Variants in CNBD1 observed in about 807,000 individuals in gnomAD.
The protein encoded by CNBD1 is cyclic nucleotide binding domain containing 1.
A neutral mutation model predicts 54.4 loss-of-function variants in CNBD1; 71 were observed. The observed-to-expected ratio is 1.30, with a 90% CI of 1.08 to 1.59. The LOEUF is 1.59. CNBD1 is among the 40% of genes most tolerant of loss of function. The probability of loss-of-function intolerance (pLI) is 0.00; values close to 1 mark genes in which losing one functional copy is unlikely to be tolerated. For synonymous variants in CNBD1, 182 were observed against 170.7 expected (o/e 1.07, Z -0.51); for missense variants, 659 against 518.0 (o/e 1.27, Z -2.64).
chr8:87,415,955 T>A (rs1807827153), intron 2 of CNBD1, among the ~76,000 whole-genome samples: 2 of 151,726 alleles, frequency 1.3e-5, no homozygotes, highest in South Asian at 4.1e-4. Flanking sequence ...GGAAATAAAG[T>A]TTTTAAAAAA....
intron 10 of CNBD1, among the ~76,000 whole-genome samples, chr8:87,372,045 A>G (rs921482227): frequency 2.0e-5 from 3 of 151,978 alleles, no homozygotes; most frequent in African/African-American, 7.2e-5. Flanking sequence ...AGGAAGTCAA[A>G]TTGTCCCTGT....
chr8:87,423,287 C>T (rs571071432), intron 2 of CNBD1, among the ~76,000 whole-genome samples: 150 of 149,584 alleles, frequency 1.0e-3, no homozygotes, highest in Admixed American at 5.0e-3. Flanking sequence ...TGCCTAATTG[C>T]CCTGGCCAGA....
chr8:87,277,651 C>T (rs747822465), intron 6 of CNBD1, among the ~76,000 whole-genome samples: 5 of 151,570 alleles, frequency 3.3e-5, no homozygotes, highest in Non-Finnish European at 5.9e-5. Context: ...CAGTTGAAAC[C>T]CAGAACCAAA....
chr8:86,991,341 A>G (rs1308179262), intron 4 of CNBD1, among the ~76,000 whole-genome samples: 1 of 151,758 alleles, frequency 6.6e-6, no homozygotes, highest in East Asian at 1.9e-4. Flanking sequence ...TATTTTTGTC[A>G]TTTATGATTG....
intron 1 of CNBD1, among the ~76,000 whole-genome samples, chr8:86,875,959 G>T (rs915971241): frequency 6.6e-6 from 1 of 151,898 alleles, no homozygotes; most frequent in Non-Finnish European, 1.5e-5. Flanking sequence ...CTATACCCTC[G>T]TATATATTTT....
intron 5 of CNBD1, among the ~76,000 whole-genome samples, chr8:87,206,417 A>G (rs1296170906): frequency 6.6e-6 from 1 of 152,166 alleles, no homozygotes. Context: ...TGTCGGGTTT[A>G]AACATCAGAA....
rs150777182 is a variant in CNBD1, at chr8:87,013,219, G to A, written c.431+73465G>A. On this transcript the variant is annotated intron_variant, in intron 4 of 10. Transcript: ENST00000518476. ...GACCTCCCTTAGGTTAAACGTCCTT[G>A]ATTTATTCTAAGCTGGTTTTCCCTA... 4.1e-4 allele frequency among the ~76,000 whole-genome samples: 63 copies of A among 152,280 alleles called. No homozygotes were observed. In the East Asian group the frequency reaches 0.011, roughly 27 times the overall value.
intron 4 of CNBD1, among the ~76,000 whole-genome samples, chr8:87,127,740 A>G (rs1812022395): frequency 6.6e-6 from 1 of 152,198 alleles, no homozygotes; most frequent in Non-Finnish European, 1.5e-5. Flanking sequence ...TTAATGGAAA[A>G]GCATACAATC....
intron 4 of CNBD1, among the ~76,000 whole-genome samples, chr8:87,096,804 CTTTTTTT>C (rs200048715): frequency 1.4e-5 from 2 of 145,774 alleles, no homozygotes; most frequent in Non-Finnish European, 3.0e-5. Flanking sequence ...TTTTTCTTCC[CTTTTTTT>C]TTTTTTACCT....
At chr8:87,043,173 T>G (rs533913819) in intron 4 of CNBD1, among the ~76,000 whole-genome samples, 1 of 152,292 alleles carries the variant, frequency 6.6e-6, no homozygotes, top group South Asian at 2.1e-4. Context: ...AACAGGTTGT[T>G]GTGCCAATGG....
At chr8:87,348,925 C>T (rs568269181) in intron 8 of CNBD1, among the ~76,000 whole-genome samples, 79 of 152,254 alleles carry the variant, frequency 5.2e-4, no homozygotes, top group Non-Finnish European at 9.6e-4. Context: ...TGATATTCTT[C>T]TTTTCCTTTG....
chr8:87,379,725 T>A (rs1811034497), intron 10 of CNBD1, among the ~76,000 whole-genome samples: 1 of 151,956 alleles, frequency 6.6e-6, no homozygotes, highest in South Asian at 2.1e-4. Context: ...AGAAATACGT[T>A]TATAATATTT....
chr8:87,373,882 A>T (rs1021113180), intron 10 of CNBD1, among the ~76,000 whole-genome samples: 1 of 151,530 alleles, frequency 6.6e-6, no homozygotes, highest in Non-Finnish European at 1.5e-5. Flanking sequence ...ATGTAATTTT[A>T]TAAACTTGTT....
chr8:87,087,246 C>CGTATATAT (rs1563463289), intron 4 of CNBD1, among the ~76,000 whole-genome samples: 4 of 133,090 alleles, frequency 3.0e-5, no homozygotes, highest in African/African-American at 1.2e-4. Context: ...TATATATATA[C>CGTATATAT]GTATATATAT....
chr8:87,027,967 G>T (rs1342768761), intron 4 of CNBD1, among the ~76,000 whole-genome samples: 1 of 152,018 alleles, frequency 6.6e-6, no homozygotes, highest in Non-Finnish European at 1.5e-5. Flanking sequence ...AATTCCTTAC[G>T]AATTTCTCAA....
intron 2 of CNBD1, among the ~76,000 whole-genome samples, chr8:86,900,027 A>G (rs1436083003): frequency 2.0e-5 from 3 of 152,066 alleles, no homozygotes; most frequent in Non-Finnish European, 2.9e-5. Flanking sequence ...TTTTCTTGCA[A>G]TGTGGTGGGC....
intron 4 of CNBD1, among the ~76,000 whole-genome samples, chr8:86,956,070 C>G (rs1411998170): frequency 6.6e-6 from 1 of 152,060 alleles, no homozygotes; most frequent in Non-Finnish European, 1.5e-5. Flanking sequence ...TTTCCCAGCA[C>G]CATTTATTAA....
chr8:87,052,637 A>G (rs900938438), intron 4 of CNBD1, among the ~76,000 whole-genome samples: 4 of 152,056 alleles, frequency 2.6e-5, no homozygotes, highest in African/African-American at 9.7e-5. Flanking sequence ...GTTTCTTCCA[A>G]GTTCTTTAGT....
rs188437250 is a variant in CNBD1 at position 87,229,256 on chromosome 8, G to A, written c.578-7663G>A. ...CTGTAGACCGCAGCTGTTCCTATTC[G>A]GCCATCTTGGCTCCTCCCCCCGATT... On this transcript the variant is annotated intron_variant, in intron 5 of 10. Transcript: ENST00000518476. Among the ~76,000 whole-genome samples, 22 of 151,980 alleles carry A rather than the reference G, an allele frequency of 1.4e-4. No individual in the cohort carries two copies. In the South Asian group the frequency reaches 2.7e-3, roughly 19 times the overall value.
Sources: allele counts gnomAD v4.1 joint callset (sites outside exome capture counted in the v4.1 genomes callset), GRCh38; gene constraint gnomAD v4.1.1; transcripts MANE v1.5; gene names NCBI Gene and HGNC (gene_info 2026-07-23, HGNC 2026-07-21).